NELL1: variants seen among roughly 807,000 people sequenced by gnomAD.
NELL1 encodes protein kinase C-binding protein NELL1.
A neutral mutation model predicts 107.4 loss-of-function variants in NELL1; 76 were observed. The ratio of observed to expected loss-of-function variants is 0.71; its 90% confidence interval spans 0.59 to 0.86. The LOEUF is 0.86. Among genes scored for constraint, NELL1 ranks in the 40% least tolerant of loss-of-function variants. The probability of loss-of-function intolerance (pLI) is 0.00; values close to 1 mark genes in which losing one functional copy is unlikely to be tolerated. For synonymous variants in NELL1, 353 were observed against 341.2 expected, an observed-to-expected ratio of 1.03 and a Z score of -0.38; for missense variants, 1,024 against 1,005.5, an observed-to-expected ratio of 1.02 and a Z score of -0.25.
intron 15 of NELL1, among the ~76,000 whole-genome samples, chr11:21,482,222 C>T (rs1299323888): frequency 6.6e-6 from 1 of 152,204 alleles, no homozygotes; most frequent in Non-Finnish European, 1.5e-5. Flanking sequence ...CAATTAAACA[C>T]TTACTGCTCT....
At chr11:21,372,954 T>C (rs1851390358) in intron 15 of NELL1, among the ~76,000 whole-genome samples, 1 of 151,624 alleles carries the variant, frequency 6.6e-6, no homozygotes, top group African/African-American at 2.4e-5. Context: ...GTCAGAAAAA[T>C]ATAAAGGAGA....
chr11:21,552,937 A>G (rs1485813722), intron 16 of NELL1, among the ~76,000 whole-genome samples: 1 of 151,864 alleles, frequency 6.6e-6, no homozygotes, highest in East Asian at 1.9e-4. Context: ...TACACAGGGC[A>G]GTGAAAGGAA....
chr11:21,107,631 A>G (rs898591035), intron 12 of NELL1, among the ~76,000 whole-genome samples: 2 of 152,034 alleles, frequency 1.3e-5, no homozygotes, highest in Non-Finnish European at 2.9e-5. Context: ...ATTTTCCTGG[A>G]CCTGTATCTT....
At chr11:21,483,012 T>C (rs1010436028) in intron 15 of NELL1, among the ~76,000 whole-genome samples, 1 of 151,860 alleles carries the variant, frequency 6.6e-6, no homozygotes, top group African/African-American at 2.4e-5. Context: ...TTTTGAGACA[T>C]AGTCTTGCTC....
In NELL1 at chr11:20,946,356, T is replaced by C. The variant is rs191663123; in HGVS notation, c.1072-980T>C. ...AATGGGAGAGAAAAAGTAAATGTTT[T>C]AGATAAAATAAGGAACTCTCAGCAT... is the stretch of plus-strand genomic sequence containing the variant. On this transcript the variant is annotated intron_variant, in intron 10 of 19. Transcript: ENST00000357134. 6.6e-5 allele frequency among the ~76,000 whole-genome samples: 10 copies of C among 152,314 alleles called. No homozygotes were observed. The East Asian group carries it at 1.9e-3, about 29-fold the overall frequency.
intron 13 of NELL1, among the ~76,000 whole-genome samples, chr11:21,126,570 G>C (rs1393555809): frequency 2.0e-5 from 3 of 152,122 alleles, no homozygotes; most frequent in Non-Finnish European, 4.4e-5. Flanking sequence ...GGGTTTTAAG[G>C]TTTGATCATG....
chr11:21,312,776 A>G (rs1300821277), intron 14 of NELL1, among the ~76,000 whole-genome samples: 1 of 152,178 alleles, frequency 6.6e-6, no homozygotes, highest in Non-Finnish European at 1.5e-5. Context: ...ACAGGAATGG[A>G]TAAAAAACAT....
chr11:20,790,053 A>G (rs967357091), intron 3 of NELL1, among the ~76,000 whole-genome samples: 17 of 152,182 alleles, frequency 1.1e-4, no homozygotes, highest in African/African-American at 4.1e-4. Context: ...CAGTTGGCCC[A>G]TGGGCAGCCA....
intron 14 of NELL1, among the ~76,000 whole-genome samples, chr11:21,275,627 T>G (rs1013702826): frequency 5.3e-4 from 80 of 152,172 alleles, no homozygotes; most frequent in Admixed American, 2.0e-4. Flanking sequence ...ATATGCCTGA[T>G]GAACATCAAT....
At chr11:21,354,855 A>T (rs1336059019) in intron 14 of NELL1, among the ~76,000 whole-genome samples, 1 of 151,606 alleles carries the variant, frequency 6.6e-6, no homozygotes. Flanking sequence ...TATCTCTTTA[A>T]AAGTCTCTAG....
chr11:21,125,936 G>A (rs1319561667), intron 13 of NELL1, among the ~76,000 whole-genome samples: 1 of 152,214 alleles, frequency 6.6e-6, no homozygotes, highest in Non-Finnish European at 1.5e-5. Context: ...AGAGAAATGG[G>A]CACATCTTCC....
chr11:21,135,822 G>T lies in NELL1; in HGVS notation c.1426+22108G>T, dbSNP rs186014891. The stretch of plus-strand genomic sequence containing the variant: ...TTATGTATTTTCATATGGTTATATA[G>T]ATTTGAAGTAAAATATTAAAAATAT... On this transcript the variant is annotated intron_variant, in intron 13 of 19. Transcript: ENST00000357134. Among the ~76,000 whole-genome samples, 3 of 152,042 alleles carry T rather than the reference G, an allele frequency of 2.0e-5. No individual in the cohort carries two copies. The East Asian group carries it at 5.8e-4, about 29-fold the overall frequency.
At chr11:21,501,881 G>A (rs1855153951) in intron 15 of NELL1, among the ~76,000 whole-genome samples, 1 of 152,118 alleles carries the variant, frequency 6.6e-6, no homozygotes, top group Admixed American at 6.6e-5. Context: ...CCCCTTCTCT[G>A]GCATTTTGCA....
chr11:21,042,984 G>A (rs1256290881), intron 12 of NELL1, among the ~76,000 whole-genome samples: 1 of 152,164 alleles, frequency 6.6e-6, no homozygotes, highest in Middle Eastern at 3.4e-3. Flanking sequence ...TTGCAGATCT[G>A]TACATTGAAG....
intron 15 of NELL1, among the ~76,000 whole-genome samples, chr11:21,514,331 A>G (rs1428878545): frequency 6.6e-6 from 1 of 152,232 alleles, no homozygotes; most frequent in Non-Finnish European, 1.5e-5. Flanking sequence ...TTGGAGTTCC[A>G]TGCTAAACAT....
At chr11:20,778,644 T>C (rs1856796251) in intron 2 of NELL1, among the ~76,000 whole-genome samples, 1 of 151,984 alleles carries the variant, frequency 6.6e-6, no homozygotes, top group Non-Finnish European at 1.5e-5. Context: ...ACTTCTTAAC[T>C]AGAACATGCA....
chr11:21,237,881 T>C (rs912543089), intron 14 of NELL1, among the ~76,000 whole-genome samples: 1 of 152,062 alleles, frequency 6.6e-6, no homozygotes, highest in Non-Finnish European at 1.5e-5. Context: ...TTCTCTCTCT[T>C]TTTCTTTGCC....
At chr11:20,905,511 A>G (rs1321401165) in intron 5 of NELL1, among the ~76,000 whole-genome samples, 1 of 152,212 alleles carries the variant, frequency 6.6e-6, no homozygotes, top group Non-Finnish European at 1.5e-5. Context: ...TTAAAGAGCT[A>G]GATGAAAACA....
chr11:21,169,448 A>T (rs1451220610), intron 13 of NELL1, among the ~76,000 whole-genome samples: 1 of 151,834 alleles, frequency 6.6e-6, no homozygotes, highest in African/African-American at 2.4e-5. Flanking sequence ...TTTTGTTCAC[A>T]TGTAATACCT....
Sources: gnomAD v4.1 joint callset for allele counts (sites outside exome capture counted in the v4.1 genomes callset) on GRCh38, gnomAD v4.1.1 for gene constraint, MANE v1.5 for transcripts, NCBI Gene and HGNC (gene_info 2026-07-23, HGNC 2026-07-21) for gene names.